The following DCTN6 variants were observed in gnomAD, a reference collection of about 807,000 sequenced individuals.
DCTN6 encodes dynactin subunit 6, also known as dynactin 6.
DCTN6 carries 15 observed loss-of-function variants against 25.8 expected under a neutral mutation model. The observed-to-expected ratio is 0.58, with a 90% confidence interval of 0.39 to 0.89. The LOEUF (loss-of-function observed/expected upper bound fraction) is 0.89. Ranked by LOEUF, DCTN6 falls within the 40% of genes least tolerant of loss-of-function variation. The probability of loss-of-function intolerance (pLI) is 0.00; values close to 1 mark genes in which losing one functional copy is unlikely to be tolerated. For missense variants in DCTN6, 198 were observed against 237.6 expected (o/e 0.83, Z 1.09); for synonymous variants, 64 against 78.3 (o/e 0.82, Z 0.96).
chr8:30,168,604 C>T (rs1803718843), intron 2 of DCTN6, among the ~76,000 whole-genome samples: 1 of 152,140 alleles, frequency 6.6e-6, no homozygotes, highest in South Asian at 2.1e-4. Flanking sequence ...TATACTTTTA[C>T]AAATTATTCC....
Position 30,180,724 on chromosome 8 carries a change from G to T in DCTN6, c.474+94G>T. Reference sequence around the variant, plus strand: ...ATGAGGCAGCAGGTACACTATTTAAGAACATAATTAAAATAAAACAAAAGA... The same window carrying T: ...ATGAGGCAGCAGGTACACTATTTAATAACATAATTAAAATAAAACAAAAGA... On this transcript the variant is annotated intron_variant, in intron 6 of 6. Transcript: ENST00000221114. 3 of 1,405,248 alleles carry T rather than the reference G, an allele frequency of 2.1e-6. No homozygotes were observed. The South Asian group carries it at 4.1e-5, about 19-fold the overall frequency. The allele number at this position is 1,405,248 out of a possible 1,614,324, so 87.0% of individuals were successfully genotyped here.
intron 2 of DCTN6, among the ~76,000 whole-genome samples, chr8:30,167,691 T>TTTTCTTTCTTTC (rs111706788): frequency 0.014 from 2,123 of 151,630 alleles, 34 homozygotes; most frequent in East Asian, 0.053. Context: ...TTAACACAGA[T>TTTTCTTTCTTTC]TTTCTTTCTT....
chr8:30,168,262 A>G (rs561050172), intron 2 of DCTN6, among the ~76,000 whole-genome samples: 2 of 152,328 alleles, frequency 1.3e-5, no homozygotes, highest in South Asian at 2.1e-4. Context: ...CTTCAACTGT[A>G]TAATATGGGA....
At chr8:30,157,329 A>G (rs1803539498) in intron 1 of DCTN6, among the ~76,000 whole-genome samples, 1 of 152,186 alleles carries the variant, frequency 6.6e-6, no homozygotes, top group Non-Finnish European at 1.5e-5. Context: ...TCCTTTATCC[A>G]GTCATCCGTT....
At chr8:30,156,694 G>C (rs567391022) in intron 1 of DCTN6, among the ~76,000 whole-genome samples, 19 of 152,296 alleles carry the variant, frequency 1.2e-4, no homozygotes, top group Middle Eastern at 6.8e-3. Flanking sequence ...GGGCGGGGGG[G>C]GCTGTGAGGG....
At chr8:30,167,825 AG>A (rs1803704088) in intron 2 of DCTN6, among the ~76,000 whole-genome samples, 1 of 151,990 alleles carries the variant, frequency 6.6e-6, no homozygotes, top group African/African-American at 2.4e-5. Flanking sequence ...CAGCCTCCCA[AG>A]TAGCCAGAAT....
At position 30,167,982 on chromosome 8, in the gene DCTN6, A is replaced by G. The variant is rs374973956; in HGVS notation, c.88+3807A>G. 6.0e-4 allele frequency among the ~76,000 whole-genome samples: 92 copies of G among 152,340 alleles called. 1 individual carries two copies. The highest frequency in any genetic ancestry group is 2.2e-3 in the African/African-American group (92 of 41,570). On this transcript the variant is annotated intron_variant, in intron 2 of 6. Coordinates refer to ENST00000221114, the MANE Select transcript of DCTN6 (RefSeq NM_006571.4). ...TCCCAAAGTTAGCACAGATTATAAC[A>G]TAAGAAGTGGTAATACATTTTTAAG...
chr8:30,175,033 T>G, intron 2 of DCTN6, 52 bp from the exon 3 acceptor site: 1 of 1,548,884 alleles, frequency 6.5e-7, no homozygotes, highest in Non-Finnish European at 8.9e-7. Context: ...TCCACCCTTC[T>G]GTTGGAAGCA....
At chr8:30,177,287 T>C in intron 4 of DCTN6, 73 bp downstream of exon 4, 2 of 1,239,776 alleles carry the variant, frequency 1.6e-6, no homozygotes, top group Non-Finnish European at 2.3e-6. Context: ...CCTGTAGAAA[T>C]TGTAAATAAT....
chr8:30,163,002 T>C (rs913436000), intron 1 of DCTN6, among the ~76,000 whole-genome samples: 7 of 152,120 alleles, frequency 4.6e-5, no homozygotes, highest in Middle Eastern at 3.4e-3. Flanking sequence ...ATTTTTTTTT[T>C]TAAGAGATGA....
chr8:30,161,538 A>C (rs953097369), intron 1 of DCTN6, among the ~76,000 whole-genome samples: 1 of 152,048 alleles, frequency 6.6e-6, no homozygotes, highest in African/African-American at 2.4e-5. Flanking sequence ...ATCCCTGGTC[A>C]TGGTGTACAA....
intron 2 of DCTN6, among the ~76,000 whole-genome samples, chr8:30,169,858 G>A (rs1045695832): frequency 3.7e-4 from 56 of 152,230 alleles, no homozygotes; most frequent in African/African-American, 1.3e-3. Flanking sequence ...CATCATTCAC[G>A]GAAATCACAG....
At chr8:30,178,969 T>C (rs1803879292) in intron 4 of DCTN6, among the ~76,000 whole-genome samples, 1 of 152,188 alleles carries the variant, frequency 6.6e-6, no homozygotes, top group Non-Finnish European at 1.5e-5. Flanking sequence ...AAGATTTTAA[T>C]AGCGTGGAAT....
chr8:30,177,495 C>T (rs1803856669), intron 4 of DCTN6: 1 of 202,726 alleles, frequency 4.9e-6, no homozygotes, highest in Non-Finnish European at 1.0e-5. Context: ...TCACTTGAGG[C>T]CAGGAGTTCA....
In DCTN6 at chr8:30,174,987, G is replaced by A. The variant is rs186667637; in HGVS notation, c.89-98G>A. The A allele has an allele frequency of 8.3e-6, 9 of 1,079,764 alleles. No homozygotes were observed. The African/African-American group carries it at 1.4e-4, about 17-fold the overall frequency. 66.9% of individuals were successfully genotyped at this position (1,079,764 alleles called of 1,614,324 possible). A position where few individuals can be genotyped will look rare whatever the true frequency, so the allele number is the denominator to read the frequency against. ...GGTGCCTGGCACATACTTAGAAAAT[G>A]TTCCTCCCAACAGCCTCACCCATCC... On this transcript the variant is annotated intron_variant, in intron 2 of 6. Transcript: ENST00000221114.
chr8:30,182,860 G>T (rs565007861), intron 6 of DCTN6, among the ~76,000 whole-genome samples: 5 of 152,100 alleles, frequency 3.3e-5, no homozygotes, highest in African/African-American at 1.2e-4. Flanking sequence ...GACTACAGGG[G>T]TGTGCCACCA....
intron 1 of DCTN6, among the ~76,000 whole-genome samples, chr8:30,163,126 C>T (rs1014381513): frequency 3.3e-5 from 5 of 152,030 alleles, no homozygotes; most frequent in Non-Finnish European, 7.4e-5. Context: ...GAAAAAACCC[C>T]GTCTCTACTA....
chr8:30,162,065 C>T (rs953237248), intron 1 of DCTN6, among the ~76,000 whole-genome samples: 2 of 149,636 alleles, frequency 1.3e-5, no homozygotes, highest in Admixed American at 6.7e-5. Flanking sequence ...TTTACATAAG[C>T]ATTCTTGCAC....
chr8:30,161,322 G>C (rs1381837618), intron 1 of DCTN6, among the ~76,000 whole-genome samples: 1 of 152,128 alleles, frequency 6.6e-6, no homozygotes, highest in Non-Finnish European at 1.5e-5. Context: ...TCTCAGGGAA[G>C]TTCTGTAGAG....
Sources: allele counts gnomAD v4.1 joint callset (sites outside exome capture counted in the v4.1 genomes callset), GRCh38; gene constraint gnomAD v4.1.1; transcripts MANE v1.5; gene names NCBI Gene and HGNC (gene_info 2026-07-23, HGNC 2026-07-21).